Variants in ADCY2 observed in about 807,000 individuals in gnomAD.
ADCY2 encodes the protein adenylate cyclase type 2.
ADCY2 carries 31 observed loss-of-function variants against 125.2 expected under a neutral mutation model. The observed-to-expected ratio is 0.25, with a 90% CI of 0.19 to 0.33. The LOEUF (loss-of-function observed/expected upper bound fraction) is 0.33. Among genes scored for constraint, ADCY2 ranks in the 10% least tolerant of loss-of-function variants. ADCY2 has a pLI of 1.00. For missense variants in ADCY2, 904 were observed against 1,418.2 expected (o/e 0.64, Z 5.82); for synonymous variants, 512 against 548.4 (o/e 0.93, Z 0.93).
chr5:7,783,897 A>G (rs1283456020), intron 18 of ADCY2, among the ~76,000 whole-genome samples: 1 of 152,212 alleles, frequency 6.6e-6, no homozygotes, highest in Non-Finnish European at 1.5e-5. Flanking sequence ...GAAAGAGTGA[A>G]TAAGATTGGA....
chr5:7,396,356 G>A lies in ADCY2; in HGVS notation c.60G>A (p.Ala20=). ...RYLRDRSEEA[A]GGGDGLPRSR... ...TGCGGGACCGCTCCGAGGAGGCGGC[G>A]GGCGGCGGAGACGGGCTGCCGCGGT... Residue 20 remains alanine (A), a synonymous_variant, in exon 1 of 25, where the codon GCG becomes GCA. Transcript: ENST00000338316. This position sits in a 1 kb window ranked among gnomAD's most constrained non-coding sequence, Gnocchi z 5.7. 1 of 1,546,896 alleles carries A rather than the reference G, an allele frequency of 6.5e-7. No individual in the cohort carries two copies. The highest frequency in any genetic ancestry group is 8.7e-7 in the Non-Finnish European group (1 of 1,148,064).
intron 3 of ADCY2, among the ~76,000 whole-genome samples, chr5:7,586,877 C>T (rs1278539732): frequency 2.0e-5 from 3 of 152,144 alleles, no homozygotes; most frequent in African/African-American, 7.2e-5. Context: ...GCCACATCTT[C>T]GTCTATCTAT....
chr5:7,683,070 A>G (rs1299093169), intron 4 of ADCY2, among the ~76,000 whole-genome samples: 1 of 152,100 alleles, frequency 6.6e-6, no homozygotes. Flanking sequence ...CTTTTTTTCC[A>G]TGGACTGCAA....
chr5:7,518,000 T>C (rs926465589), intron 2 of ADCY2, among the ~76,000 whole-genome samples: 1 of 152,246 alleles, frequency 6.6e-6, no homozygotes, highest in African/African-American at 2.4e-5. Flanking sequence ...ACATAAATGT[T>C]ATGTGTAGAA....
At chr5:7,804,071 A>AGAGAGAGAGAGAGAGAGC (rs1280836195) in intron 21 of ADCY2, among the ~76,000 whole-genome samples, 1 of 148,590 alleles carries the variant, frequency 6.7e-6, no homozygotes, top group Admixed American at 6.7e-5. Flanking sequence ...AGAGAGAGAG[A>AGAGAGAGAGAGAGAGAGC]GAGCTGGTTT....
chr5:7,664,792 G>A (rs775650873), intron 4 of ADCY2, among the ~76,000 whole-genome samples: 4 of 152,112 alleles, frequency 2.6e-5, no homozygotes, highest in Non-Finnish European at 5.9e-5. Flanking sequence ...GGTCTAATAA[G>A]AAACATTTTA....
intron 14 of ADCY2, among the ~76,000 whole-genome samples, chr5:7,728,891 A>T (rs1742013320): frequency 6.6e-6 from 1 of 152,112 alleles, no homozygotes; most frequent in East Asian, 1.9e-4. Context: ...ACTTCCAGGA[A>T]CCAGGAAAAA....
intron 2 of ADCY2, among the ~76,000 whole-genome samples, chr5:7,481,679 G>T (rs1322693361): frequency 7.9e-5 from 12 of 152,124 alleles, no homozygotes; most frequent in African/African-American, 2.7e-4. Flanking sequence ...CTCCAATAGA[G>T]TTGTTTGTTA....
At chr5:7,699,137 G>A (rs1181211629) in intron 7 of ADCY2, among the ~76,000 whole-genome samples, 10 of 107,026 alleles carry the variant, frequency 9.3e-5, no homozygotes, top group Middle Eastern at 0.012. Context: ...TCGCTCTGTC[G>A]CCCAGGCTGG....
chr5:7,773,651 A>G (rs1024461877), intron 18 of ADCY2, among the ~76,000 whole-genome samples: 5 of 152,174 alleles, frequency 3.3e-5, no homozygotes, highest in Non-Finnish European at 7.4e-5. Context: ...TTCACTAGAG[A>G]TTTTCTAAAA....
chr5:7,424,716 G>T (rs1740325704), intron 2 of ADCY2, among the ~76,000 whole-genome samples: 1 of 152,198 alleles, frequency 6.6e-6, no homozygotes, highest in Non-Finnish European at 1.5e-5. Flanking sequence ...CTCCTCACAT[G>T]AATCAATAAG....
intron 2 of ADCY2, among the ~76,000 whole-genome samples, chr5:7,501,364 C>T (rs887445998): frequency 1.3e-5 from 2 of 152,124 alleles, no homozygotes; most frequent in South Asian, 4.1e-4. Flanking sequence ...AGATTAACAA[C>T]CTTGAGGCAT....
chr5:7,821,849 G>T (rs938194179), intron 24 of ADCY2, among the ~76,000 whole-genome samples: 3 of 152,198 alleles, frequency 2.0e-5, no homozygotes, highest in Admixed American at 6.5e-5. Flanking sequence ...TCAAGGCTGC[G>T]TTCAAGAATT....
intron 10 of ADCY2, among the ~76,000 whole-genome samples, chr5:7,710,130 T>C (rs960218818): frequency 3.9e-5 from 6 of 152,190 alleles, no homozygotes; most frequent in South Asian, 4.1e-4. Context: ...AACATGCCAG[T>C]TGTCAGGTGA....
intron 1 of ADCY2, among the ~76,000 whole-genome samples, chr5:7,409,924 G>A (rs539725201): frequency 6.6e-6 from 1 of 152,104 alleles, no homozygotes; most frequent in Non-Finnish European, 1.5e-5. Context: ...TGGTAAAATG[G>A]AGTATGACTA....
chr5:7,473,980 C>T (rs1742430974), intron 2 of ADCY2, among the ~76,000 whole-genome samples: 2 of 152,188 alleles, frequency 1.3e-5, no homozygotes, highest in African/African-American at 4.8e-5. Context: ...TTTGTTCAGC[C>T]ACAAATGAGT....
intron 2 of ADCY2, among the ~76,000 whole-genome samples, chr5:7,416,854 C>A (rs989078712): frequency 6.6e-6 from 1 of 152,104 alleles, no homozygotes; most frequent in African/African-American, 2.4e-5. Context: ...TCTTCTTGCA[C>A]CAAAGCCATC....
intron 2 of ADCY2, among the ~76,000 whole-genome samples, chr5:7,437,093 T>C (rs1349267208): frequency 6.6e-6 from 1 of 152,110 alleles, no homozygotes; most frequent in Non-Finnish European, 1.5e-5. Flanking sequence ...ATGCAGAAGG[T>C]TGCAGGAACT....
intron 11 of ADCY2, among the ~76,000 whole-genome samples, chr5:7,715,403 T>C (rs1306671116): frequency 6.6e-6 from 1 of 152,170 alleles, no homozygotes; most frequent in Non-Finnish European, 1.5e-5. Flanking sequence ...TCTTAGACTT[T>C]GCAGAAGAGA....
Sources: gnomAD v4.1 joint callset for allele counts (sites outside exome capture counted in the v4.1 genomes callset) on GRCh38, gnomAD v4.1.1 for gene constraint, Gnocchi (gnomAD v3.1) non-coding constraint, MANE v1.5 for transcripts, NCBI Gene and HGNC (gene_info 2026-07-23, HGNC 2026-07-21) for gene names.